The following NDRG3 variants were observed in gnomAD, a reference collection of about 807,000 sequenced individuals.
The protein encoded by NDRG3 is NDRG family member 3, also known as protein NDRG3.
NDRG3 carries 23 observed loss-of-function variants against 57.2 expected under a neutral mutation model. The observed-to-expected ratio is 0.40, with a 90% CI of 0.29 to 0.57. NDRG3 has a LOEUF of 0.57. Ranked by LOEUF, NDRG3 falls within the 20% of genes least tolerant of loss-of-function variation. NDRG3 has a pLI of 0.42. For synonymous variants in NDRG3, 132 were observed against 162.6 expected, an observed-to-expected ratio of 0.81 and a Z score of 1.43; for missense variants, 384 against 457.3, an observed-to-expected ratio of 0.84 and a Z score of 1.46.
intron 1 of NDRG3, among the ~76,000 whole-genome samples, chr20:36,738,045 A>G (rs1360217721): frequency 6.6e-6 from 1 of 150,584 alleles, no homozygotes; most frequent in Non-Finnish European, 1.5e-5. Context: ...GCCTGGTGAC[A>G]GAGCAAGACT....
At chr20:36,659,207 T>A (rs1414243990) in intron 13 of NDRG3, among the ~76,000 whole-genome samples, 1 of 152,164 alleles carries the variant, frequency 6.6e-6, no homozygotes, top group Admixed American at 6.6e-5. Flanking sequence ...TCCAAAGTGC[T>A]GGGATTATAG....
At chr20:36,677,594 G>A (rs1980870170) in intron 8 of NDRG3, among the ~76,000 whole-genome samples, 1 of 152,214 alleles carries the variant, frequency 6.6e-6, no homozygotes, top group Non-Finnish European at 1.5e-5. Flanking sequence ...CAACCTGCTG[G>A]CAGAGAAGGG....
At chr20:36,663,202 C>G (rs922656692) in intron 12 of NDRG3, among the ~76,000 whole-genome samples, 10 of 152,156 alleles carry the variant, frequency 6.6e-5, no homozygotes, top group Admixed American at 4.6e-4. Context: ...CCTCTATGTG[C>G]AAGTCATGCC....
chr20:36,718,797 C>T (rs186263953), intron 2 of NDRG3, among the ~76,000 whole-genome samples: 1 of 152,246 alleles, frequency 6.6e-6, no homozygotes, highest in African/African-American at 2.4e-5. Flanking sequence ...CCTCGCAGCT[C>T]AGCCTCCCAA....
intron 3 of NDRG3, among the ~76,000 whole-genome samples, chr20:36,694,233 C>T (rs1182620605): frequency 1.3e-5 from 2 of 152,048 alleles, no homozygotes; most frequent in African/African-American, 2.4e-5. Flanking sequence ...GGCAGGCACA[C>T]TTGATGTAAC....
chr20:36,700,139 A>C (rs1983120412), intron 3 of NDRG3, among the ~76,000 whole-genome samples: 1 of 150,530 alleles, frequency 6.6e-6, no homozygotes, highest in Non-Finnish European at 1.5e-5. Context: ...AAAAAAGTAG[A>C]TGAAGGAATA....
At position 36,664,495 on chromosome 20, in the gene NDRG3, G is replaced by A. The variant is rs148054203; in HGVS notation, c.810+551C>T. 2.8e-4 allele frequency among the ~76,000 whole-genome samples: 42 copies of A among 152,152 alleles called. No homozygotes were observed. In the East Asian group the frequency reaches 6.4e-3, roughly 23 times the overall value. On this transcript the variant is annotated intron_variant, in intron 12 of 15. Coordinates refer to ENST00000349004, the MANE Select transcript of NDRG3 (RefSeq NM_032013.4). ...GTCAGAAATCTGACAATAAGTAAAT[G>A]GTGTTTAGTTGTACTACTTGCCACA...
Position 36,697,378 on chromosome 20 carries a change from TC to T in NDRG3, c.94-8595del, listed in dbSNP as rs538891131. Among the ~76,000 whole-genome samples, 20 of 152,148 alleles carry T rather than the reference TC, an allele frequency of 1.3e-4. No individual in the cohort carries two copies. In the East Asian group the frequency reaches 1.7e-3, roughly 13 times the overall value. Reference sequence around the variant, plus strand: ...AATATGTCCTTTGTGGCAGGTTTTTTCCCCCCCAAGAATAGGGCACTTTTGT... The same window carrying T: ...AATATGTCCTTTGTGGCAGGTTTTTTCCCCCCAAGAATAGGGCACTTTTGT... On this transcript the variant is annotated intron_variant, in intron 3 of 15. Transcript: ENST00000349004.
At chr20:36,742,932 C>T (rs1231377024) in intron 1 of NDRG3, among the ~76,000 whole-genome samples, 1 of 152,108 alleles carries the variant, frequency 6.6e-6, no homozygotes, top group African/African-American at 2.4e-5. Flanking sequence ...CCCAAAGGAC[C>T]TTTTTGAATA....
intron 1 of NDRG3, among the ~76,000 whole-genome samples, chr20:36,744,986 C>T (rs749110259): frequency 4.4e-5 from 5 of 114,866 alleles, no homozygotes; most frequent in Admixed American, 9.6e-5. Context: ...GGGGGCGCGG[C>T]GGGGGTGATC....
intron 1 of NDRG3, among the ~76,000 whole-genome samples, chr20:36,742,912 T>C (rs565788415): frequency 1.3e-5 from 2 of 152,352 alleles, no homozygotes; most frequent in South Asian, 4.1e-4. Context: ...TATGCACATA[T>C]CTGCTGCCTC....
At chr20:36,716,298 C>T (rs538150892) in intron 2 of NDRG3, among the ~76,000 whole-genome samples, 2 of 152,012 alleles carry the variant, frequency 1.3e-5, no homozygotes, top group South Asian at 2.1e-4. Context: ...TTTGGGAGGC[C>T]GAGGCGGACG....
At chr20:36,705,321 C>CAAAAA (rs1174347133) in intron 3 of NDRG3, among the ~76,000 whole-genome samples, 4 of 72,078 alleles carry the variant, frequency 5.5e-5, no homozygotes, top group Non-Finnish European at 6.1e-5. Context: ...GACTCTGTCT[C>CAAAAA]AAAAAAAAAA....
intron 1 of NDRG3, among the ~76,000 whole-genome samples, chr20:36,733,646 G>C (rs1388763211): frequency 6.6e-6 from 1 of 151,520 alleles, no homozygotes; most frequent in African/African-American, 2.4e-5. Flanking sequence ...GCAGTGAGCC[G>C]AGATCACGCC....
chr20:36,660,808 C>T (rs1233545290), intron 12 of NDRG3, among the ~76,000 whole-genome samples: 1 of 152,142 alleles, frequency 6.6e-6, no homozygotes, highest in East Asian at 1.9e-4. Context: ...GATCCGCCCA[C>T]CTCGGCCTCC....
chr20:36,667,176 TACC>T (rs970630227), intron 9 of NDRG3, among the ~76,000 whole-genome samples: 316 of 152,372 alleles, frequency 2.1e-3, no homozygotes, highest in African/African-American at 7.3e-3. Context: ...TATCTATATA[TACC>T]ACCATTTAAT....
chr20:36,666,612 A>G (rs2148045604), intron 9 of NDRG3, among the ~76,000 whole-genome samples: 1 of 151,938 alleles, frequency 6.6e-6, no homozygotes, highest in Middle Eastern at 3.4e-3. Flanking sequence ...GCAGCAAAAG[A>G]CCTATTATGG....
At chr20:36,712,574 TATATATA>T (rs1568660321) in intron 2 of NDRG3, among the ~76,000 whole-genome samples, 8 of 19,396 alleles carry the variant, frequency 4.1e-4, no homozygotes, top group Non-Finnish European at 6.8e-4. Context: ...TATATATATA[TATATATA>T]TATATATTTT....
chr20:36,701,073 C>T (rs1983194236), intron 3 of NDRG3, among the ~76,000 whole-genome samples: 1 of 152,182 alleles, frequency 6.6e-6, no homozygotes, highest in Non-Finnish European at 1.5e-5. Context: ...CATTCCCCGG[C>T]TCTCCCAGTA....
Sources: allele counts gnomAD v4.1 joint callset (sites outside exome capture counted in the v4.1 genomes callset), GRCh38; gene constraint gnomAD v4.1.1; transcripts MANE v1.5; gene names NCBI Gene and HGNC (gene_info 2026-07-23, HGNC 2026-07-21).